Variants in SLIT3 observed in about 807,000 individuals in gnomAD.
SLIT3 encodes slit homolog 3 protein.
A neutral mutation model predicts 184.0 loss-of-function variants in SLIT3; 68 were observed. That is an observed-to-expected ratio of 0.37 (90% confidence interval 0.30 to 0.45). The LOEUF is 0.45. SLIT3 is among the 20% of genes least tolerant of loss of function. The pLI, the probability that SLIT3 is intolerant of heterozygous loss-of-function variation, is 1.00. For synonymous variants in SLIT3, 831 were observed against 828.6 expected, an observed-to-expected ratio of 1.00 and a Z score of -0.05; for missense variants, 1,707 against 2,026.0, an observed-to-expected ratio of 0.84 and a Z score of 3.02.
chr5:169,230,958 T>C (rs1764981174), intron 3 of SLIT3, among the ~76,000 whole-genome samples: 1 of 152,220 alleles, frequency 6.6e-6, no homozygotes, highest in Middle Eastern at 3.2e-3. Context: ...AACAATTATT[T>C]TCATTTTGCT....
intron 1 of SLIT3, among the ~76,000 whole-genome samples, chr5:169,268,429 C>T (rs924747238): frequency 2.0e-5 from 3 of 152,224 alleles, no homozygotes; most frequent in Non-Finnish European, 4.4e-5. Context: ...TCTTTCCTTG[C>T]TGGAGACAGC....
chr5:168,967,437 CT>C lies in SLIT3; in HGVS notation c.414-84102del, dbSNP rs540309809. 1.4e-3 allele frequency among the ~76,000 whole-genome samples: 47 copies of C among 32,736 alleles called. 2 individuals are homozygous for C. The highest frequency in any genetic ancestry group is 0.013 in the Admixed American group (26 of 2,056). The allele number at this position is 32,736 out of a possible 152,430, so 21.5% of individuals were successfully genotyped here. ...TTCCTCTGGCACTGCCATCTCAAATCTTTTTTTTTTTTTTTTTTTTGAGACG... is the reference window on the plus strand; with the variant it reads ...TTCCTCTGGCACTGCCATCTCAAATCTTTTTTTTTTTTTTTTTTTGAGACG... On this transcript the variant is annotated intron_variant, in intron 4 of 35. Transcript: ENST00000519560.
intron 4 of SLIT3, among the ~76,000 whole-genome samples, chr5:169,048,256 C>T (rs1019539730): frequency 5.3e-5 from 8 of 152,182 alleles, no homozygotes; most frequent in African/African-American, 1.9e-4. Flanking sequence ...TTTCCTCATC[C>T]TTAAACGGAG....
chr5:168,699,395 T>C (rs1762152148), intron 27 of SLIT3, among the ~76,000 whole-genome samples: 1 of 152,216 alleles, frequency 6.6e-6, no homozygotes, highest in African/African-American at 2.4e-5. Flanking sequence ...CCCCTGCCTT[T>C]ATTGCCAAGG....
chr5:169,098,674 G>A (rs890100235), intron 4 of SLIT3, among the ~76,000 whole-genome samples: 1 of 152,192 alleles, frequency 6.6e-6, no homozygotes, highest in Admixed American at 6.5e-5. Context: ...ACCTACAAAT[G>A]TGTCAAATGA....
intron 4 of SLIT3, among the ~76,000 whole-genome samples, chr5:169,059,941 G>T (rs1360185260): frequency 6.6e-6 from 1 of 152,192 alleles, no homozygotes; most frequent in Non-Finnish European, 1.5e-5. Flanking sequence ...AATGAGATTA[G>T]TGCCCTTATA....
At chr5:168,784,146 A>C (rs11744127) in intron 12 of SLIT3, among the ~76,000 whole-genome samples, 19,124 of 152,224 alleles carry the variant, frequency 0.13, 1,514 homozygotes, top group Middle Eastern at 0.21. Context: ...AGCTTGGTGG[A>C]ACACAACACT....
At chr5:169,147,719 A>T (rs1761972161) in intron 4 of SLIT3, among the ~76,000 whole-genome samples, 1 of 152,210 alleles carries the variant, frequency 6.6e-6, no homozygotes, top group Non-Finnish European at 1.5e-5. Context: ...GAAGAGGGCC[A>T]GGATGAGAGT....
At chr5:168,787,796 A>T (rs1478164848) in intron 11 of SLIT3, among the ~76,000 whole-genome samples, 1 of 152,058 alleles carries the variant, frequency 6.6e-6, no homozygotes, top group East Asian at 1.9e-4. Context: ...ACGCACAGGT[A>T]AGGGGTAAAG....
chr5:169,234,353 T>C (rs1422704123), intron 3 of SLIT3, among the ~76,000 whole-genome samples: 1 of 152,218 alleles, frequency 6.6e-6, no homozygotes, highest in African/African-American at 2.4e-5. Context: ...TTTGGAAGTG[T>C]TGACTGTGTC....
intron 4 of SLIT3, among the ~76,000 whole-genome samples, chr5:168,931,594 T>A (rs1761988125): frequency 6.6e-6 from 1 of 152,114 alleles, no homozygotes; most frequent in African/African-American, 2.4e-5. Context: ...AAAGGGAAAG[T>A]GTGTACTGAG....
intron 12 of SLIT3, among the ~76,000 whole-genome samples, chr5:168,780,305 G>C (rs1488479343): frequency 6.6e-6 from 1 of 152,258 alleles, no homozygotes; most frequent in East Asian, 1.9e-4. Context: ...GGCCCTTCCA[G>C]GAGAATGGAT....
chr5:169,181,892 G>C (rs1434737238), intron 4 of SLIT3, among the ~76,000 whole-genome samples: 1 of 152,080 alleles, frequency 6.6e-6, no homozygotes, highest in African/African-American at 2.4e-5. Context: ...TTCTTCTTTA[G>C]ACAGAGCATT....
intron 2 of SLIT3, among the ~76,000 whole-genome samples, chr5:169,249,990 A>C (rs555426626): frequency 6.6e-5 from 10 of 152,360 alleles, no homozygotes; most frequent in African/African-American, 2.4e-4. Context: ...CCACATTATC[A>C]GTGCTGCATT....
chr5:168,972,604 G>C (rs1197480238), intron 4 of SLIT3, among the ~76,000 whole-genome samples: 1 of 151,994 alleles, frequency 6.6e-6, no homozygotes, highest in Non-Finnish European at 1.5e-5. Flanking sequence ...TATTACCTTT[G>C]AGGTAGGGCC....
At chr5:168,686,497 G>T (rs1306505853) in intron 30 of SLIT3, among the ~76,000 whole-genome samples, 1 of 152,218 alleles carries the variant, frequency 6.6e-6, no homozygotes, top group Non-Finnish European at 1.5e-5. Flanking sequence ...GACAAATGCT[G>T]TATGTGTCCA....
rs148803784 is a variant in SLIT3 at position 169,208,794 on chromosome 5, G to A, written c.342-15244C>T. ...TAGACAAAAATTAAGATGGATTAAA[G>A]ACTTAAAAATTAAGATGGATTAAAG... On this transcript the variant is annotated intron_variant, in intron 3 of 35. Transcript: ENST00000519560. Among the ~76,000 whole-genome samples the A allele has an allele frequency of 3.0e-4, 45 of 152,136 alleles. No homozygotes were observed. The East Asian group carries it at 8.1e-3, about 27-fold the overall frequency.
At chr5:169,135,819 A>G (rs1178854315) in intron 4 of SLIT3, among the ~76,000 whole-genome samples, 1 of 152,116 alleles carries the variant, frequency 6.6e-6, no homozygotes, top group Non-Finnish European at 1.5e-5. Context: ...TTCACCACCA[A>G]TGGCAGGCCA....
At chr5:169,014,671 G>A (rs998787826) in intron 4 of SLIT3, among the ~76,000 whole-genome samples, 1 of 152,212 alleles carries the variant, frequency 6.6e-6, no homozygotes, top group Non-Finnish European at 1.5e-5. Flanking sequence ...GCAACCTCAT[G>A]CTGGTGCAGT....
Sources: allele counts gnomAD v4.1 joint callset (sites outside exome capture counted in the v4.1 genomes callset), GRCh38; gene constraint gnomAD v4.1.1; transcripts MANE v1.5; gene names NCBI Gene and HGNC (gene_info 2026-07-23, HGNC 2026-07-21).